ZRANB3: variants seen among roughly 807,000 people sequenced by gnomAD.
ZRANB3 encodes DNA annealing helicase and endonuclease ZRANB3.
A neutral mutation model predicts 133.8 loss-of-function variants in ZRANB3; 125 were observed. That is an observed-to-expected ratio of 0.93 (90% confidence interval 0.81 to 1.08). The LOEUF (loss-of-function observed/expected upper bound fraction) is 1.08. ZRANB3 is among the 50% of genes least tolerant of loss of function. The pLI is 0.00. For missense variants in ZRANB3, 1,229 were observed against 1,275.5 expected (o/e 0.96, Z 0.56); for synonymous variants, 387 against 432.7 (o/e 0.89, Z 1.31).
At position 135,208,905 on chromosome 2, in the gene ZRANB3, T is replaced by C; in HGVS notation, c.2569A>G (p.Ile857Val). ...VKNVGGHVRL[I>V]TKESRPRDPF... Reference sequence around the variant, plus strand: ...TCCCGTGGCCTGGACTCCTTTGTGATCAGACGGACATGGCCCCCAACATTC... The same window carrying C: ...TCCCGTGGCCTGGACTCCTTTGTGACCAGACGGACATGGCCCCCAACATTC... The change falls in exon 18 of 21, where the codon ATC (isoleucine) becomes GTC (valine). Residue 857 changes from isoleucine to valine, a missense_variant. Physicochemically the swap from Ile to Val is conservative, Grantham distance 29. Transcript: ENST00000264159. The C allele has an allele frequency of 6.2e-7, 1 of 1,614,008 alleles. No homozygotes were observed. Among genetic ancestry groups the C allele is most frequent in the Non-Finnish European group, 8.5e-7 (1 of 1,179,872 alleles).
At position 135,198,050 on chromosome 2, in the gene ZRANB3, C is replaced by A. The variant is rs987848912; in HGVS notation, c.*2292G>T. On this transcript the variant is annotated 3_prime_UTR_variant, in exon 21 of 21. Transcript: ENST00000264159. ...AGAGCCAGGCCTATCCTTTTACACT[C>A]ATTGTACCCACCTGTGTTTTCACTC... is the stretch of plus-strand genomic sequence containing the variant. 6.6e-6 allele frequency: 1 copy of A among 152,282 alleles called. No individual in the cohort carries two copies. The highest frequency in any genetic ancestry group is 6.5e-5 in the Admixed American group (1 of 15,276). 9.4% of individuals were successfully genotyped at this position (152,282 alleles called of 1,614,324 possible). A position where few individuals can be genotyped will look rare whatever the true frequency, so the allele number is the denominator to read the frequency against.
At chr2:135,337,137 T>C (rs569233288) in intron 6 of ZRANB3, among the ~76,000 whole-genome samples, 1 of 152,258 alleles carries the variant, frequency 6.6e-6, no homozygotes, top group East Asian at 1.9e-4. Flanking sequence ...ACTGTGCCAT[T>C]AAAAAGCTTG....
In ZRANB3 at chr2:135,210,725, G is replaced by A. The variant is rs1269873334; in HGVS notation, c.2496-1747C>T. ...AAGATGGGTGGGTCTCCTGAGGTCA[G>A]GAGTTCGAGACCAGCCTGGCCAACA... On this transcript the variant is annotated intron_variant, in intron 17 of 20. Coordinates refer to ENST00000264159, the MANE Select transcript of ZRANB3 (RefSeq NM_032143.4). 2.0e-5 allele frequency among the ~76,000 whole-genome samples: 3 copies of A among 152,196 alleles called. No individual in the cohort carries two copies. The East Asian group carries it at 5.8e-4, about 29-fold the overall frequency.
chr2:135,275,860 G>A, intron 8 of ZRANB3, 105 bp from the exon 9 acceptor site: 1 of 939,538 alleles, frequency 1.1e-6, no homozygotes, highest in Non-Finnish European at 1.5e-6. Flanking sequence ...CAGTAAATAT[G>A]AACTTTTAGC....
intron 1 of ZRANB3, among the ~76,000 whole-genome samples, chr2:135,507,491 C>G (rs1370239455): frequency 1.3e-5 from 2 of 152,130 alleles, no homozygotes; most frequent in Admixed American, 1.3e-4. Context: ...GCAAGGCTAA[C>G]AGCAGCAGAA....
intron 3 of ZRANB3, among the ~76,000 whole-genome samples, chr2:135,379,744 T>G (rs1159702952): frequency 6.6e-6 from 1 of 152,090 alleles, no homozygotes; most frequent in Non-Finnish European, 1.5e-5. Flanking sequence ...ATGAAGAAAC[T>G]ACATCAATTA....
chr2:135,270,741 A>G (rs1225138135), intron 10 of ZRANB3, among the ~76,000 whole-genome samples: 1 of 152,224 alleles, frequency 6.6e-6, no homozygotes, highest in Non-Finnish European at 1.5e-5. Context: ...CTCTCTGTAT[A>G]TAATTTTATA....
At position 135,269,708 on chromosome 2, in the gene ZRANB3, T is replaced by C. The variant is rs546783422; in HGVS notation, c.1207-567A>G. Among the ~76,000 whole-genome samples, 3 of 152,278 alleles carry C rather than the reference T, an allele frequency of 2.0e-5. No individual in the cohort carries two copies. The East Asian group carries it at 5.8e-4, about 29-fold the overall frequency. ...TTCATGAATTTGAAATAGTGTGACA[T>C]AAAAATATTAACTAAGTCTTGCTTT... On this transcript the variant is annotated intron_variant, in intron 10 of 20. Transcript: ENST00000264159.
chr2:135,330,160 T>G (rs1483403202), intron 6 of ZRANB3, among the ~76,000 whole-genome samples: 1 of 152,220 alleles, frequency 6.6e-6, no homozygotes, highest in Non-Finnish European at 1.5e-5. Flanking sequence ...CTTCCAGTTT[T>G]TACCCATTCA....
chr2:135,472,731 T>A (rs577831990), intron 2 of ZRANB3, among the ~76,000 whole-genome samples: 6 of 152,246 alleles, frequency 3.9e-5, no homozygotes, highest in African/African-American at 1.2e-4. Flanking sequence ...GGTTGAAATA[T>A]CAGCCACCTC....
intron 2 of ZRANB3, among the ~76,000 whole-genome samples, chr2:135,479,985 G>A (rs995194425): frequency 9.9e-5 from 15 of 151,408 alleles, no homozygotes; most frequent in South Asian, 4.2e-4. Context: ...CCAGGCTGGA[G>A]TGCAGTGGTG....
chr2:135,366,356 C>T (rs887036084), intron 3 of ZRANB3, among the ~76,000 whole-genome samples: 10 of 151,512 alleles, frequency 6.6e-5, no homozygotes, highest in African/African-American at 2.4e-4. Flanking sequence ...GTTACTAAAT[C>T]GTTACATAAA....
chr2:135,321,242 C>A (rs1042260620), intron 6 of ZRANB3, among the ~76,000 whole-genome samples: 1 of 152,162 alleles, frequency 6.6e-6, no homozygotes, highest in Non-Finnish European at 1.5e-5. Context: ...GCATTCCCAG[C>A]AGCAATGTAA....
At chr2:135,232,019 G>A (rs555010332) in intron 12 of ZRANB3, among the ~76,000 whole-genome samples, 20 of 152,280 alleles carry the variant, frequency 1.3e-4, no homozygotes, top group African/African-American at 4.8e-4. Context: ...AAGCGCAAGG[G>A]GTCAGGGAAT....
At chr2:135,304,242 A>G (rs1056195926) in intron 8 of ZRANB3, among the ~76,000 whole-genome samples, 1 of 152,200 alleles carries the variant, frequency 6.6e-6, no homozygotes, top group Non-Finnish European at 1.5e-5. Flanking sequence ...AGTTTTCATA[A>G]ATGCCTTTTA....
intron 12 of ZRANB3, chr2:135,239,007 T>C (rs1285354951): frequency 6.6e-6 from 1 of 152,136 alleles, no homozygotes; most frequent in African/African-American, 2.4e-5. Context: ...ACTGCACCCA[T>C]AGAAACTATA....
chr2:135,342,938 G>T (rs557329139), intron 6 of ZRANB3, among the ~76,000 whole-genome samples: 13 of 145,810 alleles, frequency 8.9e-5, no homozygotes, highest in African/African-American at 3.3e-4. Context: ...GCTGAGGCAG[G>T]TGGATCACCT....
chr2:135,357,484 C>T (rs1000641652), intron 3 of ZRANB3, among the ~76,000 whole-genome samples: 1 of 152,080 alleles, frequency 6.6e-6, no homozygotes, highest in Non-Finnish European at 1.5e-5. Context: ...TTAGTAGAGA[C>T]GGGGTTTCGC....
chr2:135,276,018 T>C (rs1446097177), intron 8 of ZRANB3, among the ~76,000 whole-genome samples: 1 of 152,092 alleles, frequency 6.6e-6, no homozygotes, highest in Non-Finnish European at 1.5e-5. Flanking sequence ...ACAATGGGTT[T>C]CAATGGAAAG....
Sources: gnomAD v4.1 joint callset for allele counts (sites outside exome capture counted in the v4.1 genomes callset) on GRCh38, gnomAD v4.1.1 for gene constraint, MANE v1.5 for transcripts, NCBI Gene and HGNC (gene_info 2026-07-23, HGNC 2026-07-21) for gene names.